MKLN1: variants seen among roughly 807,000 people sequenced by gnomAD.
MKLN1 encodes muskelin.
Under a neutral mutation model 99.0 loss-of-function variants are expected in MKLN1, and 18 were observed. The observed-to-expected ratio is 0.18, with a 90% confidence interval of 0.13 to 0.27. The LOEUF is 0.27. MKLN1 is among the 10% of genes least tolerant of loss of function. The probability of loss-of-function intolerance (pLI) is 1.00; values close to 1 mark genes in which losing one functional copy is unlikely to be tolerated. For missense variants in MKLN1, 621 were observed against 875.9 expected (o/e 0.71, Z 3.67); for synonymous variants, 288 against 293.2 (o/e 0.98, Z 0.18).
At chr7:131,472,002 AT>A (rs1390513578) in intron 16 of MKLN1, 1 of 152,258 alleles carries the variant, frequency 6.6e-6, no homozygotes, top group Non-Finnish European at 1.5e-5. Context: ...TCTGCAGGAC[AT>A]GCTTTAGAAC....
intron 1 of MKLN1, among the ~76,000 whole-genome samples, chr7:131,366,320 T>A (rs1330990274): frequency 6.6e-6 from 1 of 152,142 alleles, no homozygotes; most frequent in East Asian, 1.9e-4. Context: ...AAAACATCCT[T>A]TTATACTTTT....
At chr7:131,481,910 AG>A (rs1797132315) in intron 17 of MKLN1, among the ~76,000 whole-genome samples, 1 of 152,112 alleles carries the variant, frequency 6.6e-6, no homozygotes, top group Admixed American at 6.5e-5. Flanking sequence ...ATTAAATAAA[AG>A]TATTAATATT....
chr7:131,481,813 C>CAAAAAAA (rs35675974), intron 17 of MKLN1, among the ~76,000 whole-genome samples: 1 of 109,230 alleles, frequency 9.2e-6, no homozygotes. Flanking sequence ...CTAAGGTCTG[C>CAAAAAAA]AAAAAAAAAA....
intron 2 of MKLN1, among the ~76,000 whole-genome samples, chr7:131,201,367 A>G (rs1480940554): frequency 2.6e-5 from 4 of 152,174 alleles, no homozygotes; most frequent in Non-Finnish European, 5.9e-5. Context: ...GTTAGCATTC[A>G]CTAAGGCATA....
chr7:131,222,834 T>C (rs1333302830), intron 3 of MKLN1, among the ~76,000 whole-genome samples: 1 of 139,952 alleles, frequency 7.1e-6, no homozygotes. Context: ...CTGGCCAACA[T>C]GGTAAAATCC....
intron 9 of MKLN1, 82 bp from the exon 10 acceptor site, chr7:131,437,703 G>A (rs1057131983): frequency 1.1e-5 from 12 of 1,097,380 alleles, no homozygotes; most frequent in African/African-American, 6.4e-5. Flanking sequence ...AAAAAATGAC[G>A]TTTAATTTTT....
rs371908824 is a variant in MKLN1 at position 131,123,556 on chromosome 7, G to A, written c.-419+13349G>A. 2.0e-4 allele frequency among the ~76,000 whole-genome samples: 30 copies of A among 152,276 alleles called. No individual in the cohort carries two copies. The East Asian group carries it at 2.7e-3, about 14-fold the overall frequency. On this transcript the variant is annotated intron_variant, in intron 1 of 7. Transcript: ENST00000416992. ...ATAGCTGGGTGTGGTGGCCTGTGAC[G>A]AGGCAGGTGGATCACAAGGTCAGAA...
chr7:131,387,590 TA>T (rs149393300), intron 3 of MKLN1, among the ~76,000 whole-genome samples: 2 of 151,320 alleles, frequency 1.3e-5, no homozygotes, highest in South Asian at 2.1e-4. Flanking sequence ...ATCTTTGCTG[TA>T]AAAAAAAATA....
intron 16 of MKLN1, among the ~76,000 whole-genome samples, chr7:131,476,356 GT>G (rs1394605074): frequency 6.6e-6 from 1 of 152,026 alleles, no homozygotes; most frequent in African/African-American, 2.4e-5. Context: ...AAGTAAATTT[GT>G]TTGCATTTGT....
intron 1 of MKLN1, among the ~76,000 whole-genome samples, chr7:131,136,335 T>A (rs1448579711): frequency 6.6e-6 from 1 of 152,226 alleles, no homozygotes; most frequent in Non-Finnish European, 1.5e-5. Context: ...TTGAAAATGC[T>A]GTACTTCAAA....
chr7:131,348,887 T>C (rs543940936), intron 1 of MKLN1, among the ~76,000 whole-genome samples: 1 of 152,320 alleles, frequency 6.6e-6, no homozygotes, highest in East Asian at 1.9e-4. Flanking sequence ...CACCGATTAA[T>C]TGGTAGTTTT....
At chr7:131,227,491 CTTTCTCTTTCTT>C (rs1563259301) in intron 3 of MKLN1, among the ~76,000 whole-genome samples, 35 of 122,494 alleles carry the variant, frequency 2.9e-4, no homozygotes, top group African/African-American at 1.1e-3. Context: ...TTCTCTCTTT[CTTTCTCTTTCTT>C]TCTTTCTTTC....
At chr7:131,234,072 C>G (rs941012331) in intron 3 of MKLN1, among the ~76,000 whole-genome samples, 1 of 152,126 alleles carries the variant, frequency 6.6e-6, no homozygotes, top group South Asian at 2.1e-4. Context: ...CTCCACTTCC[C>G]GGGTTCAAGC....
intron 2 of MKLN1, among the ~76,000 whole-genome samples, chr7:131,194,998 A>G (rs1224511668): frequency 6.6e-6 from 1 of 152,192 alleles, no homozygotes; most frequent in Non-Finnish European, 1.5e-5. Flanking sequence ...ACAGCTGTCA[A>G]CACGGGCACC....
intron 16 of MKLN1, among the ~76,000 whole-genome samples, chr7:131,475,584 G>A (rs1796941099): frequency 6.6e-6 from 1 of 152,160 alleles, no homozygotes; most frequent in African/African-American, 2.4e-5. Context: ...GAGGCTGAGG[G>A]GTGGATCGCC....
intron 1 of MKLN1, among the ~76,000 whole-genome samples, chr7:131,345,534 T>A (rs1799533810): frequency 6.6e-6 from 1 of 152,096 alleles, no homozygotes; most frequent in African/African-American, 2.4e-5. Flanking sequence ...TTGGGTAACA[T>A]AGCGAGACCT....
At chr7:131,244,343 A>G (rs561705466) in intron 3 of MKLN1, among the ~76,000 whole-genome samples, 8 of 152,222 alleles carry the variant, frequency 5.3e-5, no homozygotes, top group South Asian at 2.1e-4. Context: ...CCAGAGCTGC[A>G]GGCAGTTCTC....
intron 3 of MKLN1, among the ~76,000 whole-genome samples, chr7:131,215,266 G>A (rs1563254866): frequency 6.6e-6 from 1 of 151,918 alleles, no homozygotes; most frequent in East Asian, 1.9e-4. Flanking sequence ...CAGGCTGGTC[G>A]TGACCTCCTA....
chr7:131,438,442 C>A (rs1795737518), intron 10 of MKLN1, among the ~76,000 whole-genome samples: 2 of 148,668 alleles, frequency 1.3e-5, no homozygotes, highest in African/African-American at 5.0e-5. Context: ...TTTATAGTCA[C>A]AAAATTGTAT....
Sources: gnomAD v4.1 joint callset for allele counts (sites outside exome capture counted in the v4.1 genomes callset) on GRCh38, gnomAD v4.1.1 for gene constraint, MANE v1.5 for transcripts, NCBI Gene and HGNC (gene_info 2026-07-23, HGNC 2026-07-21) for gene names.